Variants in FBXW10B observed in about 807,000 individuals in gnomAD.
FBXW10B encodes the protein F-box and WD repeat domain containing 10B.
the FBXW10B span, among the ~76,000 whole-genome samples, chr17:15,604,573 C>T: frequency 6.6e-6 from 1 of 151,992 alleles, no homozygotes; most frequent in Non-Finnish European, 1.5e-5. Context: ...CTTGCTGTGT[C>T]GCCCAGTCTG....
At chr17:15,579,409 C>T in the FBXW10B span, among the ~76,000 whole-genome samples, 1 of 151,984 alleles carries the variant, frequency 6.6e-6, no homozygotes, top group African/African-American at 2.4e-5. Context: ...ATAGAAAACT[C>T]CTAAATAAGA....
At chr17:15,597,558 G>T in the FBXW10B span, among the ~76,000 whole-genome samples, 1 of 151,784 alleles carries the variant, frequency 6.6e-6, no homozygotes, top group South Asian at 2.1e-4. Flanking sequence ...ACTTGAACCC[G>T]GGAGGCAGAG....
chr17:15,599,780 C>G, the FBXW10B span, among the ~76,000 whole-genome samples: 1 of 151,914 alleles, frequency 6.6e-6, no homozygotes, highest in South Asian at 2.1e-4. Context: ...TGAGACAGGA[C>G]AAAGCAGAAT....
chr17:15,592,768 T>C, the FBXW10B span, among the ~76,000 whole-genome samples: 2 of 151,908 alleles, frequency 1.3e-5, no homozygotes, highest in African/African-American at 2.4e-5. Flanking sequence ...AGAAGCGTTA[T>C]GTTGCACCCA....
At chr17:15,584,958 C>G in the FBXW10B span, among the ~76,000 whole-genome samples, 2 of 131,958 alleles carry the variant, frequency 1.5e-5, no homozygotes, top group African/African-American at 5.8e-5. Flanking sequence ...GAGTAAACAA[C>G]CTTCTTCTTC....
chr17:15,565,950 G>C, the FBXW10B span: 2 of 1,589,062 alleles, frequency 1.3e-6, no homozygotes, highest in South Asian at 2.2e-5. Flanking sequence ...ACCTGGAGCG[G>C]ATAATCATGG....
the FBXW10B span, among the ~76,000 whole-genome samples, chr17:15,566,739 T>A: frequency 1.3e-5 from 2 of 151,864 alleles, no homozygotes; most frequent in Middle Eastern, 3.4e-3. Context: ...TTTTTGTATT[T>A]TTTTTTAGTA....
At chr17:15,610,692 G>A in the FBXW10B span, among the ~76,000 whole-genome samples, 208 of 152,202 alleles carry the variant, frequency 1.4e-3, no homozygotes, top group African/African-American at 4.5e-3. Context: ...TTAAAGTGGC[G>A]GTGTTTGTCC....
the FBXW10B span, among the ~76,000 whole-genome samples, chr17:15,592,368 G>C: frequency 9.6e-4 from 139 of 144,150 alleles, no homozygotes; most frequent in African/African-American, 3.2e-3. Context: ...TTACCAGGCT[G>C]CCCTCTTTAA....
chr17:15,592,839 T>A, the FBXW10B span, among the ~76,000 whole-genome samples: 1 of 152,192 alleles, frequency 6.6e-6, no homozygotes, highest in East Asian at 1.9e-4. Context: ...GCGCGGTGGC[T>A]CACACCTGTA....
the FBXW10B span, chr17:15,598,796 C>A: frequency 8.6e-7 from 1 of 1,164,712 alleles, no homozygotes; most frequent in East Asian, 2.6e-5. Context: ...GGATTTGAAT[C>A]CCAGCTGCAG....
chr17:15,612,338 T>G, the FBXW10B span, among the ~76,000 whole-genome samples: 1 of 150,712 alleles, frequency 6.6e-6, no homozygotes, highest in Admixed American at 6.6e-5. Context: ...AAACCCCGCC[T>G]CTACTAAAAA....
At chr17:15,567,201 G>C in the FBXW10B span, among the ~76,000 whole-genome samples, 3 of 151,352 alleles carry the variant, frequency 2.0e-5, no homozygotes, top group Non-Finnish European at 4.4e-5. Context: ...GAACTCAGGA[G>C]GCAGAGGTTG....
the FBXW10B span, among the ~76,000 whole-genome samples, chr17:15,570,584 C>T: frequency 6.6e-6 from 1 of 152,146 alleles, no homozygotes; most frequent in African/African-American, 2.4e-5. Flanking sequence ...TGTTCTGGAG[C>T]TCCTGACTAG....
chr17:15,616,214 G>A, the FBXW10B span, among the ~76,000 whole-genome samples: 8 of 151,960 alleles, frequency 5.3e-5, no homozygotes, highest in African/African-American at 1.9e-4. Context: ...TGCTCTTATT[G>A]CCCAGGGTGG....
At chr17:15,590,527 T>C in the FBXW10B span, among the ~76,000 whole-genome samples, 4 of 147,216 alleles carry the variant, frequency 2.7e-5, no homozygotes, top group Admixed American at 2.0e-4. Flanking sequence ...GACATCTGCG[T>C]GTTCATCCTG....
chr17:15,618,572 C>T, the FBXW10B span, among the ~76,000 whole-genome samples: 1 of 150,310 alleles, frequency 6.7e-6, no homozygotes, highest in Admixed American at 6.6e-5. Context: ...AAAAAAAAGC[C>T]CTAAGTTTTG....
chr17:15,572,530 C>T, the FBXW10B span: 3 of 150,926 alleles, frequency 2.0e-5, no homozygotes, highest in Non-Finnish European at 4.4e-5. Flanking sequence ...CCTTCATTCC[C>T]GTCCGGTGGG....
chr17:15,608,052 A>T, the FBXW10B span, among the ~76,000 whole-genome samples: 8 of 151,868 alleles, frequency 5.3e-5, no homozygotes, highest in African/African-American at 1.9e-4. Flanking sequence ...CATTTCACAG[A>T]AGTCGGAACG....
Sources: allele counts gnomAD v4.1 joint callset (sites outside exome capture counted in the v4.1 genomes callset), GRCh38; gene constraint gnomAD v4.1.1; transcripts MANE v1.5; gene names NCBI Gene and HGNC (gene_info 2026-07-23, HGNC 2026-07-21).